NEBL: variants seen among roughly 807,000 people sequenced by gnomAD.
NEBL encodes the protein nebulette.
Under a neutral mutation model 140.2 loss-of-function variants are expected in NEBL, and 122 were observed. The observed-to-expected ratio is 0.87, with a 90% CI of 0.75 to 1.01. NEBL has a LOEUF of 1.01. NEBL is among the 50% of genes least tolerant of loss of function. The pLI is 0.00. For missense variants in NEBL, 1,365 were observed against 1,231.3 expected (o/e 1.11, Z -1.62); for synonymous variants, 436 against 398.9 (o/e 1.09, Z -1.11).
At chr10:21,265,775 T>A (rs2132284805) in intron 1 of NEBL, among the ~76,000 whole-genome samples, 1 of 152,350 alleles carries the variant, frequency 6.6e-6, no homozygotes, top group East Asian at 1.9e-4. Flanking sequence ...CTGTCACAAC[T>A]ACTCAACTCT....
intron 3 of NEBL, among the ~76,000 whole-genome samples, chr10:20,991,566 T>G (rs980561650): frequency 1.3e-5 from 2 of 152,208 alleles, no homozygotes; most frequent in African/African-American, 4.8e-5. Context: ...TTAATTTGTT[T>G]ATATAAATGC....
At chr10:21,190,204 G>T (rs563605857) in intron 3 of NEBL, among the ~76,000 whole-genome samples, 15 of 152,248 alleles carry the variant, frequency 9.9e-5, no homozygotes, top group African/African-American at 3.1e-4. Flanking sequence ...ATTAGGCCAG[G>T]CCTAGTGGCT....
intron 2 of NEBL, among the ~76,000 whole-genome samples, chr10:21,154,458 CAAAAAAA>C: frequency 8.5e-6 from 1 of 117,706 alleles, no homozygotes; most frequent in South Asian, 2.7e-4. Flanking sequence ...GACTCTGCTT[CAAAAAAA>C]AAAAAAAAAG....
chr10:20,920,766 A>G (rs980418294), intron 4 of NEBL, among the ~76,000 whole-genome samples: 3 of 152,196 alleles, frequency 2.0e-5, no homozygotes, highest in Non-Finnish European at 4.4e-5. Context: ...TTAAAAATAT[A>G]TAAATAACTC....
chr10:21,283,802 G>A (rs989113196), intron 1 of NEBL, among the ~76,000 whole-genome samples: 2 of 152,016 alleles, frequency 1.3e-5, no homozygotes, highest in Non-Finnish European at 2.9e-5. Context: ...GAACAGATAA[G>A]GGACCTGAGC....
chr10:21,214,492 T>TG (rs1841960142), intron 3 of NEBL, among the ~76,000 whole-genome samples: 4 of 149,490 alleles, frequency 2.7e-5, no homozygotes, highest in Non-Finnish European at 4.5e-5. Flanking sequence ...CACGCGCACA[T>TG]TACACACATG....
chr10:20,858,495 C>T (rs1438217059), intron 8 of NEBL, 151 bp from the exon 9 acceptor site: 1 of 685,710 alleles, frequency 1.5e-6, no homozygotes, highest in Non-Finnish European at 2.6e-6. Context: ...TGCTGATTTA[C>T]TACTGAATGA....
chr10:21,005,510 G>A (rs537796107), intron 3 of NEBL, among the ~76,000 whole-genome samples: 148 of 152,200 alleles, frequency 9.7e-4, no homozygotes, highest in African/African-American at 3.4e-3. Flanking sequence ...CAAGATGGGG[G>A]GATCGCTTGA....
chr10:21,245,988 C>T (rs1315066851), intron 3 of NEBL, among the ~76,000 whole-genome samples: 1 of 152,244 alleles, frequency 6.6e-6, no homozygotes, highest in East Asian at 1.9e-4. Flanking sequence ...AGCCACCGCA[C>T]CCAGCCATAT....
chr10:20,949,313 G>A (rs560458154), intron 4 of NEBL, among the ~76,000 whole-genome samples: 5 of 152,232 alleles, frequency 3.3e-5, no homozygotes, highest in South Asian at 4.1e-4. Flanking sequence ...GGGGAAAAGC[G>A]GAGGAAGAGC....
chr10:21,126,393 A>C (rs1292560249), intron 2 of NEBL, among the ~76,000 whole-genome samples: 1 of 152,316 alleles, frequency 6.6e-6, no homozygotes, highest in Non-Finnish European at 1.5e-5. Flanking sequence ...TAGGAGCTCA[A>C]AGATCAGAGA....
chr10:21,004,643 C>G (rs1461028171), intron 3 of NEBL, among the ~76,000 whole-genome samples: 1 of 152,006 alleles, frequency 6.6e-6, no homozygotes, highest in Non-Finnish European at 1.5e-5. Flanking sequence ...TGGTGTGAAC[C>G]CGGGAGGTGG....
At chr10:21,123,581 C>A (rs1212131526) in intron 2 of NEBL, among the ~76,000 whole-genome samples, 1 of 152,000 alleles carries the variant, frequency 6.6e-6, no homozygotes, top group African/African-American at 2.4e-5. Context: ...TGTTATTTCC[C>A]ATGCCTGGAA....
At chr10:20,926,950 A>C (rs1228056637) in intron 4 of NEBL, among the ~76,000 whole-genome samples, 1 of 152,224 alleles carries the variant, frequency 6.6e-6, no homozygotes, top group Non-Finnish European at 1.5e-5. Flanking sequence ...CTCCTAAGAG[A>C]TCACAGATGA....
chr10:20,826,520 A>G lies in NEBL; in HGVS notation c.1796T>C (p.Val599Ala). ...NISAVFYKKE[V>A]GAGTAVKDSP... The stretch of plus-strand genomic sequence containing the variant: ...ATCTTTCACTGCAGTGCCAGCTCCC[A>G]CTTCTTTCTTATAAAATACCTTTAT... Residue 599 changes from valine to alanine, a missense_variant, in exon 18 of 28, where the codon GTG becomes GCG. Coordinates refer to ENST00000377122, the MANE Select transcript of NEBL (RefSeq NM_006393.3). 5 of 1,611,578 alleles carry G rather than the reference A, an allele frequency of 3.1e-6. No homozygotes were observed. The highest frequency in any genetic ancestry group is 1.7e-4 in the Middle Eastern group (1 of 6,048).
chr10:21,092,594 A>G (rs1216158561), intron 2 of NEBL, among the ~76,000 whole-genome samples: 1 of 122,560 alleles, frequency 8.2e-6, no homozygotes, highest in Non-Finnish European at 1.5e-5. Flanking sequence ...ATTTAATAAT[A>G]ATAATAATAA....
intron 3 of NEBL, among the ~76,000 whole-genome samples, chr10:21,234,042 G>T (rs759728794): frequency 0.027 from 4,029 of 146,824 alleles, 162 homozygotes; most frequent in South Asian, 0.11. Context: ...TAGATAGATA[G>T]ATAGATATCT....
chr10:21,212,386 C>T (rs1014219878), intron 3 of NEBL, among the ~76,000 whole-genome samples: 1 of 152,128 alleles, frequency 6.6e-6, no homozygotes, highest in East Asian at 1.9e-4. Flanking sequence ...CCCCAACTTT[C>T]CTTGCAAAGA....
intron 2 of NEBL, among the ~76,000 whole-genome samples, chr10:21,156,134 A>G (rs1483903970): frequency 6.6e-6 from 1 of 152,256 alleles, no homozygotes; most frequent in Non-Finnish European, 1.5e-5. Flanking sequence ...CCAAGGAAAG[A>G]AAAAACTGCT....
Sources: gnomAD v4.1 joint callset for allele counts (sites outside exome capture counted in the v4.1 genomes callset) on GRCh38, gnomAD v4.1.1 for gene constraint, MANE v1.5 for transcripts, NCBI Gene and HGNC (gene_info 2026-07-23, HGNC 2026-07-21) for gene names.